The following PLTP variants were observed in gnomAD, a reference collection of about 807,000 sequenced individuals.
The protein encoded by PLTP is phospholipid transfer protein.
A neutral mutation model predicts 54.1 loss-of-function variants in PLTP; 43 were observed. The ratio of observed to expected loss-of-function variants is 0.79; its 90% CI spans 0.62 to 1.02. The LOEUF (loss-of-function observed/expected upper bound fraction) is 1.02, where lower values mean the gene tolerates loss of function less well. Among genes scored for constraint, PLTP ranks in the 50% least tolerant of loss-of-function variants. The probability of loss-of-function intolerance (pLI) is 0.00; values close to 1 mark genes in which losing one functional copy is unlikely to be tolerated. For missense variants in PLTP, 604 were observed against 645.9 expected, an observed-to-expected ratio of 0.94 and a Z score of 0.70; for synonymous variants, 263 against 264.6, an observed-to-expected ratio of 0.99 and a Z score of 0.06.
intron 1 of PLTP, 128 bp from the exon 2 acceptor site, chr20:45,911,591 A>G (rs1182030010): frequency 3.8e-6 from 5 of 1,310,164 alleles, no homozygotes; most frequent in Non-Finnish European, 4.2e-6. Context: ...CTTGGAACCA[A>G]TAATCTTGCC....
intron 8 of PLTP, 121 bp downstream of exon 8, chr20:45,906,147 A>G: frequency 1.3e-6 from 1 of 741,566 alleles, no homozygotes; most frequent in Non-Finnish European, 2.5e-6. Flanking sequence ...GAGCCATAGC[A>G]TTCTCAGTAA....
chr20:45,899,150 A>T, intron 15 of PLTP, 87 bp from the exon 16 acceptor site: 2 of 1,554,072 alleles, frequency 1.3e-6, no homozygotes, highest in Middle Eastern at 3.4e-4. Flanking sequence ...TTTGTCTTTC[A>T]GGAACTCAAT....
chr20:45,909,801 G>A lies in PLTP; in HGVS notation c.330-130C>T, dbSNP rs11569635. On this transcript the variant is annotated intron_variant, in intron 4 of 15. Transcript: ENST00000372431. ...TCCTACCAAACCTTCCTATCAACTCGTATGAAATGCATATGCCTGTTTCTG... is the reference window on the plus strand; with the variant it reads ...TCCTACCAAACCTTCCTATCAACTCATATGAAATGCATATGCCTGTTTCTG... 4.7e-4 allele frequency: 666 copies of A among 1,409,992 alleles called. 2 individuals carry two copies. In the African/African-American group the frequency reaches 8.2e-3, roughly 17 times the overall value. The allele number at this position is 1,409,992 out of a possible 1,614,324, so 87.3% of individuals were successfully genotyped here. A position where few individuals can be genotyped will look rare whatever the true frequency, so the allele number is the denominator to read the frequency against.
rs764362720 is a variant in PLTP, at chr20:45,899,689, G to C, written c.1219-4C>G. The C allele has an allele frequency of 3.3e-5, 53 of 1,614,090 alleles. No homozygotes were observed. The highest frequency in any genetic ancestry group is 2.2e-4 in the Admixed American group (13 of 60,000). On this transcript the variant is annotated splice_polypyrimidine_tract_variant and splice_region_variant and intron_variant, in intron 13 of 15. Transcript: ENST00000372431. Reference sequence around the variant, plus strand: ...GAGGGGCCTGTAATGGGATCAGCTGGGAGGGGCGAGGGCGGAAACAGGGCA... The same window carrying C: ...GAGGGGCCTGTAATGGGATCAGCTGCGAGGGGCGAGGGCGGAAACAGGGCA...
At chr20:45,908,047 C>T (rs2083257867) in intron 5 of PLTP, 143 bp from the exon 6 acceptor site, 10 of 777,910 alleles carry the variant, frequency 1.3e-5, no homozygotes, top group Non-Finnish European at 4.4e-6. Flanking sequence ...GTAGGTTTTC[C>T]AAGAACCAGG....
chr20:45,911,197 G>A lies in PLTP; in HGVS notation c.155C>T (p.Pro52Leu). Residue 52 changes from proline (P) to leucine (L), a missense_variant, in exon 3 of 16, where the codon CCG (proline) becomes CTG (leucine). Transcript: ENST00000372431. ...LEQELETITI[P>L]DLRGKEGHFY... is the part of the protein sequence containing the mutation. Reference sequence around the variant, plus strand: ...GTGGCCTTCTTTGCCCCGCAGGTCCGGAATGGTGATAGTCTCCAGCTCTTG... The same window carrying A: ...GTGGCCTTCTTTGCCCCGCAGGTCCAGAATGGTGATAGTCTCCAGCTCTTG... The A allele has an allele frequency of 1.2e-6, 2 of 1,614,130 alleles. No individual in the cohort carries two copies. Among genetic ancestry groups the A allele is most frequent in the African/African-American group, 1.3e-5 (1 of 75,034 alleles).
intron 5 of PLTP, among the ~76,000 whole-genome samples, chr20:45,908,449 T>A (rs902356713): frequency 6.6e-6 from 1 of 152,100 alleles, no homozygotes; most frequent in Non-Finnish European, 1.5e-5. Flanking sequence ...TAATCCATCA[T>A]CTTCTCTCCC....
chr20:45,902,346 T>C lies in PLTP; in HGVS notation c.1108-12A>G, dbSNP rs777695528. ...CTGAGACGGGCGTCCTGCAGGAACATGGGGAGGAGGATGTTACTGACCCAG... is the reference window on the plus strand; with the variant it reads ...CTGAGACGGGCGTCCTGCAGGAACACGGGGAGGAGGATGTTACTGACCCAG... On this transcript the variant is annotated splice_polypyrimidine_tract_variant and intron_variant, in intron 11 of 15. Transcript: ENST00000372431. 5 of 1,613,986 alleles carry C rather than the reference T, an allele frequency of 3.1e-6. No individual in the cohort carries two copies. In the African/African-American group the frequency reaches 5.3e-5, roughly 17 times the overall value.
At chr20:45,899,370 A>G (rs2083151336) in intron 15 of PLTP, 92 bp downstream of exon 15, 2 of 1,351,024 alleles carry the variant, frequency 1.5e-6, no homozygotes, top group Admixed American at 1.7e-5. Context: ...GCGACTGGTA[A>G]TGGGGGAGCT....
chr20:45,910,355 C>A (rs1209792791), intron 3 of PLTP, among the ~76,000 whole-genome samples: 1 of 152,268 alleles, frequency 6.6e-6, no homozygotes, highest in East Asian at 1.9e-4. Context: ...GTGGCTCATG[C>A]CTGTAATCCC....
In PLTP at chr20:45,899,608, C is replaced by T. The variant is rs1337741000; in HGVS notation, c.1282+14G>A. ...CCCCTCCTTTCTTCCTCCATCCTCA[C>T]ACCCCAGCCTTACCATTGAGCATGG... On this transcript the variant is annotated intron_variant, in intron 14 of 15. Transcript: ENST00000372431. The T allele has an allele frequency of 1.9e-6, 3 of 1,614,140 alleles. No homozygotes were observed. The highest frequency in any genetic ancestry group is 2.5e-6 in the Non-Finnish European group (3 of 1,180,016).
At chr20:45,899,178 G>C (rs974045192) in intron 15 of PLTP, 115 bp from the exon 16 acceptor site, 1 of 1,455,326 alleles carries the variant, frequency 6.9e-7, no homozygotes, top group Non-Finnish European at 9.5e-7. Context: ...ATAATTCCAT[G>C]TCAAGGTGTT....
Position 45,898,907 on chromosome 20 carries a change from C to T in PLTP, c.*34G>A. On this transcript the variant is annotated 3_prime_UTR_variant, in exon 16 of 16. Transcript: ENST00000372431. This position sits in a 1 kb window ranked among gnomAD's most constrained non-coding sequence, Gnocchi z 4.6. ...AGAGGGGCTGAGAGGGGTTGGGGTC[C>T]TGAATGACAGCTGCCAGCTTGGGGA... 1 of 1,610,794 alleles carries T rather than the reference C, an allele frequency of 6.2e-7. No homozygotes were observed. The highest frequency in any genetic ancestry group is 8.5e-7 in the Non-Finnish European group (1 of 1,177,824).
rs1475052465 is a variant in PLTP at position 45,898,869 on chromosome 20, T to C, written c.*72A>G. On this transcript the variant is annotated 3_prime_UTR_variant, in exon 16 of 16. Transcript: ENST00000372431. The surrounding 1 kb of genome is among the most constrained non-coding windows in gnomAD (Gnocchi z 4.6). ...GGGTTAGAGGGGGCACTACAGGCTA[T>C]GAATGTGGGAAAAGAGGGGCTGAGA... 6.4e-7 allele frequency: 1 copy of C among 1,566,706 alleles called. No individual in the cohort carries two copies. The highest frequency in any genetic ancestry group is 2.3e-5 in the East Asian group (1 of 43,734).
At position 45,899,473 on chromosome 20, in the gene PLTP, T is replaced by C. The variant is rs1426088800; in HGVS notation, c.1348A>G (p.Thr450Ala). 6.2e-7 allele frequency: 1 copy of C among 1,613,926 alleles called. No homozygotes were observed. Among genetic ancestry groups the C allele is most frequent in the African/African-American group, 1.3e-5 (1 of 74,876 alleles). Residue 450 changes from threonine (T) to alanine (A), a missense_variant, in exon 15 of 16, where the codon ACG (threonine) becomes GCG (alanine). Thr to Ala is a moderately conservative substitution (Grantham distance 58). Coordinates refer to ENST00000372431, the MANE Select transcript of PLTP (RefSeq NM_006227.4). ...EGINFVHEVV[T>A]NHAGFLTIGA... is the part of the protein sequence containing the mutation. ...CTGCCCCCACTCACCGCATGGTTCGTCACCACCTCATGCACAAAGTTGATG... is the reference window on the plus strand; with the variant it reads ...CTGCCCCCACTCACCGCATGGTTCGCCACCACCTCATGCACAAAGTTGATG...
At chr20:45,910,198 A>C in intron 3 of PLTP, 128 bp from the exon 4 acceptor site, 1 of 1,051,242 alleles carries the variant, frequency 9.5e-7, no homozygotes, top group East Asian at 2.6e-5. Flanking sequence ...GAATTCTTCC[A>C]TTGTCCCTCA....
At chr20:45,909,214 A>T (rs1292742893) in intron 5 of PLTP, among the ~76,000 whole-genome samples, 2 of 152,160 alleles carry the variant, frequency 1.3e-5, no homozygotes, top group Non-Finnish European at 2.9e-5. Context: ...CCGCCCGCCC[A>T]GACCTCCCAA....
intron 13 of PLTP, 29 bp downstream of exon 13, chr20:45,899,807 G>GGGGCCGCGGGCCCCCCC: frequency 7.3e-7 from 1 of 1,369,468 alleles, no homozygotes; most frequent in Non-Finnish European, 1.0e-6. Context: ...CACGAACCCA[G>GGGGCCGCGGGCCCCCCC]CCCAGCCCAC....
chr20:45,905,305 G>A (rs1318147048), intron 8 of PLTP, among the ~76,000 whole-genome samples, 187 bp from the exon 9 acceptor site: 2 of 152,198 alleles, frequency 1.3e-5, no homozygotes, highest in Non-Finnish European at 1.5e-5. Context: ...ACCAGGGGGC[G>A]AGCCCGTCAG....
Sources: gnomAD v4.1 joint callset for allele counts (sites outside exome capture counted in the v4.1 genomes callset) on GRCh38, gnomAD v4.1.1 for gene constraint, Gnocchi (gnomAD v3.1) non-coding constraint, MANE v1.5 for transcripts, NCBI Gene and HGNC (gene_info 2026-07-23, HGNC 2026-07-21) for gene names.